The following MRC2 variants were observed in gnomAD, a reference collection of about 807,000 sequenced individuals.
MRC2 encodes the protein mannose receptor C-type 2.
In MRC2, 84 loss-of-function variants were observed where a neutral mutation model predicts 206.2. That is an observed-to-expected ratio of 0.41 (90% CI 0.34 to 0.49). The LOEUF (loss-of-function observed/expected upper bound fraction) is 0.49. Ranked by LOEUF, MRC2 falls within the 20% of genes least tolerant of loss-of-function variation. The probability of loss-of-function intolerance (pLI) is 0.31; values close to 1 mark genes in which losing one functional copy is unlikely to be tolerated. For synonymous variants in MRC2, 798 were observed against 800.0 expected (o/e 1.00, Z 0.04); for missense variants, 1,676 against 2,001.5 (o/e 0.84, Z 3.10).
intron 1 of MRC2, among the ~76,000 whole-genome samples, chr17:62,657,621 A>G (rs771178423): frequency 6.7e-4 from 89 of 132,302 alleles, no homozygotes; most frequent in Non-Finnish European, 1.2e-3. Flanking sequence ...GCTCCCATGC[A>G]TATGGATGAG....
chr17:62,691,472 G>A (rs2089111132), intron 28 of MRC2, among the ~76,000 whole-genome samples: 1 of 152,190 alleles, frequency 6.6e-6, no homozygotes, highest in Admixed American at 6.5e-5. Flanking sequence ...TGTAAAATGG[G>A]AATAATAGTA....
Position 62,664,224 on chromosome 17 carries a change from G to C in MRC2, c.119-324G>C, listed in dbSNP as rs546088354. Among the ~76,000 whole-genome samples the C allele has an allele frequency of 6.6e-6, 1 of 152,072 alleles. No homozygotes were observed. Among genetic ancestry groups the C allele is most frequent in the East Asian group, 1.9e-4 (1 of 5,172 alleles). On this transcript the variant is annotated intron_variant, in intron 1 of 29. Coordinates refer to ENST00000303375, the MANE Select transcript of MRC2 (RefSeq NM_006039.5). The surrounding 1 kb of genome is among the most constrained non-coding windows in gnomAD (Gnocchi z 4.7). ...TCCGCCCGCCTCGGCCTCCCAAAGT[G>C]CTGGGATTACAGGCGTGAGCCACCG...
intron 20 of MRC2, among the ~76,000 whole-genome samples, 197 bp from the exon 21 acceptor site, chr17:62,688,092 T>C (rs1053556679): frequency 6.6e-6 from 1 of 152,064 alleles, no homozygotes; most frequent in African/African-American, 2.4e-5. Flanking sequence ...TGGGCAGGTG[T>C]GTGTGAATCT....
chr17:62,687,683 G>A (rs1260310557), intron 20 of MRC2, among the ~76,000 whole-genome samples: 1 of 152,092 alleles, frequency 6.6e-6, no homozygotes, highest in Non-Finnish European at 1.5e-5. Flanking sequence ...AGATAAAAGT[G>A]TCCTAGGGCT....
At chr17:62,668,925 C>G (rs1468208447) in intron 6 of MRC2, among the ~76,000 whole-genome samples, 1 of 152,104 alleles carries the variant, frequency 6.6e-6, no homozygotes, top group Non-Finnish European at 1.5e-5. Flanking sequence ...AGCCACCCCC[C>G]TTGCAAGGTT....
At chr17:62,669,041 G>A (rs965586001) in intron 6 of MRC2, among the ~76,000 whole-genome samples, 10 of 151,632 alleles carry the variant, frequency 6.6e-5, no homozygotes, top group African/African-American at 1.7e-4. Context: ...AGTTTCCTGC[G>A]AAGCTGTGGG....
chr17:62,645,492 A>G (rs56008430), intron 1 of MRC2, among the ~76,000 whole-genome samples: 15,814 of 71,856 alleles, frequency 0.22, 3,195 homozygotes, highest in Non-Finnish European at 0.25. Context: ...GTGTGTGTGT[A>G]TATATTATAT....
At chr17:62,684,256 T>A (rs1290482439) in intron 20 of MRC2, among the ~76,000 whole-genome samples, 1 of 152,224 alleles carries the variant, frequency 6.6e-6, no homozygotes, top group Non-Finnish European at 1.5e-5. Flanking sequence ...ATCCATCATT[T>A]CTAAATAATT....
chr17:62,663,052 G>A (rs939957641), intron 1 of MRC2, among the ~76,000 whole-genome samples: 3 of 152,236 alleles, frequency 2.0e-5, no homozygotes, highest in Non-Finnish European at 4.4e-5. Context: ...CCATATGTGT[G>A]TTGTGTACAT....
At chr17:62,661,246 G>C (rs8080516) in intron 1 of MRC2, among the ~76,000 whole-genome samples, 222 of 152,324 alleles carry the variant, frequency 1.5e-3, no homozygotes, top group African/African-American at 5.0e-3. Context: ...AATCTCATTT[G>C]AAGAATGATG....
intron 8 of MRC2, among the ~76,000 whole-genome samples, chr17:62,673,797 A>ACCGCGCCG (rs201105928): frequency 0.01 from 1,579 of 152,324 alleles, 37 homozygotes; most frequent in African/African-American, 0.036. Context: ...GGCATGAGCC[A>ACCGCGCCG]CCGCGCCGGG....
rs1195570140 is a variant in MRC2 at position 62,690,323 on chromosome 17, A to T, written c.3892+18A>T. On this transcript the variant is annotated intron_variant, in intron 26 of 29. Coordinates refer to ENST00000303375, the MANE Select transcript of MRC2 (RefSeq NM_006039.5). ...CCAGAGAGGTGGGTGACCAGGCCAG[A>T]GCCCACACATGGCGGGCAGGTGGCA... is the stretch of plus-strand genomic sequence containing the variant. 6.3e-7 allele frequency: 1 copy of T among 1,594,004 alleles called. No homozygotes were observed. Among genetic ancestry groups the T allele is most frequent in the Non-Finnish European group, 8.6e-7 (1 of 1,167,078 alleles).
intron 11 of MRC2, 70 bp downstream of exon 11, chr17:62,676,601 C>A: frequency 1.3e-6 from 2 of 1,518,376 alleles, no homozygotes; most frequent in Non-Finnish European, 1.8e-6. Context: ...CCTGCCAGCA[C>A]CGAGCCCCAG....
At chr17:62,629,388 G>A (rs2084198116) in intron 1 of MRC2, among the ~76,000 whole-genome samples, 1 of 152,214 alleles carries the variant, frequency 6.6e-6, no homozygotes, top group Non-Finnish European at 1.5e-5. Context: ...CCTGGTGAGA[G>A]GCCCGGTCAG....
chr17:62,679,580 T>G, intron 13 of MRC2: 2 of 401,796 alleles, frequency 5.0e-6, no homozygotes, highest in Admixed American at 4.1e-5. Flanking sequence ...GCCCCTTGAG[T>G]GGATGGCTTG....
At position 62,666,815 on chromosome 17, in the gene MRC2, C is replaced by T. The variant is rs139029815; in HGVS notation, c.918C>T (p.Ser306=). The T allele has an allele frequency of 6.2e-6, 10 of 1,613,562 alleles. 1 individual carries two copies. Among genetic ancestry groups the T allele is most frequent in the Non-Finnish European group, 7.6e-6 (9 of 1,179,950 alleles). The stretch of plus-strand genomic sequence containing the variant: ...TCGGCTTGAATGACTTGGACACGAG[C>T]GGAGGCTGGCAGTGGTCGGACAACT... The part of the protein sequence containing the change: ...LWIGLNDLDT[S]GGWQWSDNSP... The change falls in exon 5 of 30, where the codon AGC becomes AGT. Residue 306 remains serine (S), a synonymous_variant. Transcript: ENST00000303375. The surrounding 1 kb of genome is among the most constrained non-coding windows in gnomAD (Gnocchi z 5.0).
Position 62,667,544 on chromosome 17 carries a change from G to A in MRC2, c.1117+11G>A. The stretch of plus-strand genomic sequence containing the variant: ...AGCCCACCCCTCCAGGTGAGCCAGG[G>A]ACTGTGCCGCAGGGTGGGGAGGGGC... On this transcript the variant is annotated intron_variant, in intron 6 of 29. Transcript: ENST00000303375. The surrounding 1 kb of genome is among the most constrained non-coding windows in gnomAD (Gnocchi z 4.1). The A allele has an allele frequency of 3.1e-6, 5 of 1,606,904 alleles. No homozygotes were observed. The highest frequency in any genetic ancestry group is 4.2e-6 in the Non-Finnish European group (5 of 1,178,518).
chr17:62,674,189 C>T lies in MRC2; in HGVS notation c.1569+19C>T. 1.8e-5 allele frequency: 27 copies of T among 1,535,296 alleles called. No homozygotes were observed. The highest frequency in any genetic ancestry group is 2.4e-5 in the Non-Finnish European group (27 of 1,136,982). ...CCGGAAGGTGAGGGTGTTTCTGGAG[C>T]TGCCCTGAGTGGGGCCACCTGTCAG... On this transcript the variant is annotated intron_variant, in intron 9 of 29. Coordinates refer to ENST00000303375, the MANE Select transcript of MRC2 (RefSeq NM_006039.5).
In MRC2 at chr17:62,682,253, G is replaced by T; in HGVS notation, c.2822G>T (p.Arg941Met). 6.3e-7 allele frequency: 1 copy of T among 1,598,902 alleles called. No homozygotes were observed. The highest frequency in any genetic ancestry group is 8.5e-7 in the Non-Finnish European group (1 of 1,172,176). Residue 941 changes from arginine to methionine, a missense_variant, in exon 20 of 30, where the codon AGG (arginine) becomes ATG (methionine). By Grantham distance (91) the Arg-to-Met change is moderately conservative. Around this residue, in one of 3 missense-constraint regions of MRC2, gnomAD observed 1,354 missense variants for 1,636.6 expected, o/e 0.83. Coordinates refer to ENST00000303375, the MANE Select transcript of MRC2 (RefSeq NM_006039.5). The stretch of plus-strand genomic sequence containing the variant: ...TCCGCAGAGGACTGGGGGGACCAGA[G>T]GTGCCTGACAGCCTTGCCCTACATC... ...TASREDWGDQRCLTALPYICK... is the reference protein window; with the variant it reads ...TASREDWGDQMCLTALPYICK...
Sources: allele counts gnomAD v4.1 joint callset (sites outside exome capture counted in the v4.1 genomes callset), GRCh38; gene constraint gnomAD v4.1.1; regional missense constraint gnomAD v4.1.1; non-coding constraint Gnocchi (gnomAD v3.1); transcripts MANE v1.5; gene names NCBI Gene and HGNC (gene_info 2026-07-23, HGNC 2026-07-21).